KCNQ1: variants seen among roughly 807,000 people sequenced by gnomAD.
KCNQ1 encodes potassium voltage-gated channel subfamily KQT member 1.
In KCNQ1, 49 loss-of-function variants were observed where a neutral mutation model predicts 72.4. That is an observed-to-expected ratio of 0.68 (90% CI 0.54 to 0.86). The LOEUF (loss-of-function observed/expected upper bound fraction) is 0.86, where lower values mean the gene tolerates loss of function less well. KCNQ1 is among the 40% of genes least tolerant of loss of function. The probability of loss-of-function intolerance (pLI) is 0.00; values close to 1 mark genes in which losing one functional copy is unlikely to be tolerated. For missense variants in KCNQ1, 790 were observed against 945.1 expected (o/e 0.84, Z 2.15); for synonymous variants, 450 against 412.6 (o/e 1.09, Z -1.10).
At chr11:2,742,761 C>T (rs568977403) in intron 11 of KCNQ1, among the ~76,000 whole-genome samples, 321 of 152,320 alleles carry the variant, frequency 2.1e-3, no homozygotes, top group Middle Eastern at 6.8e-3. Context: ...CAGCCATGCG[C>T]GGGGGCCCGC....
In KCNQ1 at chr11:2,536,322, C is replaced by T. The variant is rs1030698218; in HGVS notation, c.477+8304C>T. Among the ~76,000 whole-genome samples, 2 of 152,184 alleles carry T rather than the reference C, an allele frequency of 1.3e-5. No individual in the cohort carries two copies. Among genetic ancestry groups the T allele is most frequent in the African/African-American group, 4.8e-5 (2 of 41,432 alleles). ...AACACACCATCCGCACTGCCTGCGG[C>T]TCTTACAGGAGTCTCTCGTGCACCA... On this transcript the variant is annotated intron_variant, in intron 2 of 15. Transcript: ENST00000155840. This position sits in a 1 kb window ranked among gnomAD's most constrained non-coding sequence, Gnocchi z 7.4.
Position 2,724,896 on chromosome 11 carries a change from C to G in KCNQ1, c.1515-43948C>G, listed in dbSNP as rs1181923048. Among the ~76,000 whole-genome samples, 1 of 152,230 alleles carries G rather than the reference C, an allele frequency of 6.6e-6. No individual in the cohort carries two copies. Among genetic ancestry groups the G allele is most frequent in the African/African-American group, 2.4e-5 (1 of 41,464 alleles). On this transcript the variant is annotated intron_variant, in intron 11 of 15. Coordinates refer to ENST00000155840, the MANE Select transcript of KCNQ1 (RefSeq NM_000218.3). This position sits in a 1 kb window ranked among gnomAD's most constrained non-coding sequence, Gnocchi z 6.8. ...CTGTGAAATGGGAACACGGTGGTCT[C>G]TGTCACAGGGTAGAGATGACTGATC...
At chr11:2,733,853 CTCT>C (rs1564875418) in intron 11 of KCNQ1, among the ~76,000 whole-genome samples, 58 of 50,768 alleles carry the variant, frequency 1.1e-3, no homozygotes, top group Non-Finnish European at 1.4e-3. Context: ...CTCTCTCTCT[CTCT>C]CCCCCCCCAC....
At chr11:2,625,759 C>T (rs540215553) in intron 10 of KCNQ1, 74 of 397,530 alleles carry the variant, frequency 1.9e-4, no homozygotes, top group South Asian at 1.4e-4. Context: ...TTAGTAGAGA[C>T]GGGGTTTCAC....
chr11:2,455,032 C>G (rs1482815784), intron 1 of KCNQ1, among the ~76,000 whole-genome samples: 1 of 152,050 alleles, frequency 6.6e-6, no homozygotes, highest in Non-Finnish European at 1.5e-5. Context: ...CCTAAAGAGT[C>G]TGCCAAAAGC....
In KCNQ1 at chr11:2,482,981, G is replaced by C. The variant is rs1302124876; in HGVS notation, c.386+37497G>C. ...GTGTCTCTTAGCAGTAAGACCTTGA[G>C]AAGGAGCCAGGCAGGGAGGAATGGG... On this transcript the variant is annotated intron_variant, in intron 1 of 15. Coordinates refer to ENST00000155840, the MANE Select transcript of KCNQ1 (RefSeq NM_000218.3). The surrounding 1 kb of genome is among the most constrained non-coding windows in gnomAD (Gnocchi z 5.7). 2.0e-5 allele frequency among the ~76,000 whole-genome samples: 3 copies of C among 152,190 alleles called. No homozygotes were observed. The highest frequency in any genetic ancestry group is 4.4e-5 in the Non-Finnish European group (3 of 68,032).
chr11:2,528,892 G>A (rs1847558384), intron 2 of KCNQ1, among the ~76,000 whole-genome samples: 1 of 152,258 alleles, frequency 6.6e-6, no homozygotes, highest in Admixed American at 6.5e-5. Flanking sequence ...GGCCTCGGCA[G>A]TGGTATCCGT....
intron 10 of KCNQ1, among the ~76,000 whole-genome samples, chr11:2,590,616 G>A (rs554247787): frequency 1.3e-5 from 2 of 152,354 alleles, no homozygotes; most frequent in South Asian, 2.1e-4. Flanking sequence ...CATCACGCAC[G>A]TGGGCCTTGC....
rs920379909 is a variant in KCNQ1 at position 2,598,422 on chromosome 11, T to C, written c.1393+9568T>C. ...TCCACTTTTTTTAAAATGAAGATTT[T>C]CTTTGTCTCCAAGTATGAAAATAAC... is the stretch of plus-strand genomic sequence containing the variant. On this transcript the variant is annotated intron_variant, in intron 10 of 15. Coordinates refer to ENST00000155840, the MANE Select transcript of KCNQ1 (RefSeq NM_000218.3). This position sits in a 1 kb window ranked among gnomAD's most constrained non-coding sequence, Gnocchi z 6.2. Among the ~76,000 whole-genome samples the C allele has an allele frequency of 2.6e-5, 4 of 152,204 alleles. No homozygotes were observed. The highest frequency in any genetic ancestry group is 5.9e-5 in the Non-Finnish European group (4 of 68,036).
intron 11 of KCNQ1, among the ~76,000 whole-genome samples, chr11:2,757,889 C>G (rs972166930): frequency 6.6e-6 from 1 of 152,220 alleles, no homozygotes; most frequent in African/African-American, 2.4e-5. Flanking sequence ...TGACCTAAGT[C>G]TCACACTTTA....
At chr11:2,788,010 G>T (rs1378216097) in intron 15 of KCNQ1, among the ~76,000 whole-genome samples, 7 of 152,172 alleles carry the variant, frequency 4.6e-5, no homozygotes, top group Non-Finnish European at 8.8e-5. Flanking sequence ...GGGGAGGTGA[G>T]TGTGGCTCCC....
Position 2,603,744 on chromosome 11 carries a change from G to A in KCNQ1, c.1393+14890G>A, listed in dbSNP as rs914750517. Among the ~76,000 whole-genome samples, 1 of 151,726 alleles carries A rather than the reference G, an allele frequency of 6.6e-6. No homozygotes were observed. Among genetic ancestry groups the A allele is most frequent in the Non-Finnish European group, 1.5e-5 (1 of 67,994 alleles). ...CTCCCTCTGTCGCCCAGGCTGGAGTGCAGTGGCGCGATGTCGGCTCACTGC... is the reference window on the plus strand; with the variant it reads ...CTCCCTCTGTCGCCCAGGCTGGAGTACAGTGGCGCGATGTCGGCTCACTGC... On this transcript the variant is annotated intron_variant, in intron 10 of 15. Coordinates refer to ENST00000155840, the MANE Select transcript of KCNQ1 (RefSeq NM_000218.3). The surrounding 1 kb of genome is among the most constrained non-coding windows in gnomAD (Gnocchi z 4.1).
intron 10 of KCNQ1, among the ~76,000 whole-genome samples, chr11:2,589,067 G>A (rs1056335005): frequency 2.0e-4 from 30 of 152,186 alleles, no homozygotes; most frequent in Admixed American, 1.7e-3. Context: ...CACGCCTTCT[G>A]TTGCGAGAGG....
In KCNQ1 at chr11:2,463,869, C is replaced by A. The variant is rs951554889; in HGVS notation, c.386+18385C>A. ...AGGTGCTTGTGTAGATGCCCCCGTG[C>A]GGGGACTTGTTTGGCTGATGGATCA... On this transcript the variant is annotated intron_variant, in intron 1 of 15. Coordinates refer to ENST00000155840, the MANE Select transcript of KCNQ1 (RefSeq NM_000218.3). The surrounding 1 kb of genome is among the most constrained non-coding windows in gnomAD (Gnocchi z 7.0). 6.6e-6 allele frequency among the ~76,000 whole-genome samples: 1 copy of A among 152,054 alleles called. No individual in the cohort carries two copies. The highest frequency in any genetic ancestry group is 1.5e-5 in the Non-Finnish European group (1 of 67,986).
intron 1 of KCNQ1, among the ~76,000 whole-genome samples, chr11:2,496,636 C>G (rs78984238): frequency 6.6e-6 from 1 of 151,280 alleles, no homozygotes; most frequent in Non-Finnish European, 1.5e-5. Flanking sequence ...ACTCTTTATC[C>G]AGTTTGCCAG....
At chr11:2,795,918 G>T (rs1847119402) in intron 15 of KCNQ1, among the ~76,000 whole-genome samples, 1 of 152,148 alleles carries the variant, frequency 6.6e-6, no homozygotes, top group South Asian at 2.1e-4. Flanking sequence ...CTTGCACAGG[G>T]CTTGGAGATG....
chr11:2,521,388 C>G (rs572678514), intron 1 of KCNQ1: 2 of 412,096 alleles, frequency 4.9e-6, no homozygotes, highest in East Asian at 1.5e-4. Context: ...CCGGTGTCCT[C>G]AAGGTGCCTC....
At chr11:2,846,660 G>C (rs575933468) in intron 15 of KCNQ1, among the ~76,000 whole-genome samples, 1 of 152,220 alleles carries the variant, frequency 6.6e-6, no homozygotes, top group Non-Finnish European at 1.5e-5. Flanking sequence ...CCAGGGTGCC[G>C]GCCTGCCGGC....
intron 15 of KCNQ1, among the ~76,000 whole-genome samples, chr11:2,804,932 CAT>C (rs1188050615): frequency 6.6e-6 from 1 of 152,258 alleles, no homozygotes; most frequent in Admixed American, 6.5e-5. Flanking sequence ...TGTGACAACA[CAT>C]GTGGTCAGGG....
Sources: allele counts gnomAD v4.1 joint callset (sites outside exome capture counted in the v4.1 genomes callset), GRCh38; gene constraint gnomAD v4.1.1; non-coding constraint Gnocchi (gnomAD v3.1); transcripts MANE v1.5; gene names NCBI Gene and HGNC (gene_info 2026-07-23, HGNC 2026-07-21).